Variants in BAP1 observed in about 807,000 individuals in gnomAD.
BAP1 encodes the protein BRCA1 associated deubiquitinase 1.
A neutral mutation model predicts 77.2 loss-of-function variants in BAP1; 16 were observed. The observed-to-expected ratio is 0.21, with a 90% confidence interval of 0.14 to 0.31. The LOEUF (loss-of-function observed/expected upper bound fraction) is 0.31, where lower values mean the gene tolerates loss of function less well. BAP1 is among the 10% of genes least tolerant of loss of function. The pLI is 1.00. For synonymous variants in BAP1, 362 were observed against 385.2 expected (o/e 0.94, Z 0.71); for missense variants, 699 against 967.3 (o/e 0.72, Z 3.68).
intron 10 of BAP1, 198 bp from the exon 11 acceptor site, chr3:52,405,492 G>GAAAAA (rs71084182): frequency 3.4e-3 from 275 of 80,734 alleles, no homozygotes; most frequent in South Asian, 0.012. Flanking sequence ...GAAGCAGGAA[G>GAAAAA]AAAAAAAAAA....
rs755878197 is a variant in BAP1, at chr3:52,408,489, C to T, written c.240G>A (p.Met80Ile). The T allele has an allele frequency of 3.1e-6, 5 of 1,611,870 alleles. No homozygotes were observed. In the South Asian group the frequency reaches 5.5e-5, roughly 18 times the overall value. The change falls in exon 4 of 17, where the codon ATG becomes ATA. Residue 80 changes from methionine to isoleucine, a missense_variant. Coordinates refer to ENST00000460680, the MANE Select transcript of BAP1 (RefSeq NM_004656.4). ...SVIDDDIVNN[M>I]FFAHQLIPNS... is the part of the protein sequence containing the mutation. The stretch of plus-strand genomic sequence containing the variant: ...TCCAGCAGACCTGGTGGGCAAAGAA[C>T]ATGTTATTCACAATATCATCATCAA...
Position 52,402,824 on chromosome 3 carries a change from A to G in BAP1, c.1938T>C (p.Tyr646=). The G allele has an allele frequency of 6.2e-7, 1 of 1,614,226 alleles. No individual in the cohort carries two copies. The highest frequency in any genetic ancestry group is 1.7e-5 in the Admixed American group (1 of 60,034). The change falls in exon 15 of 17, where the codon TAT becomes TAC. Residue 646 remains tyrosine, a synonymous_variant. Coordinates refer to ENST00000460680, the MANE Select transcript of BAP1 (RefSeq NM_004656.4). This position sits in a 1 kb window ranked among gnomAD's most constrained non-coding sequence, Gnocchi z 5.3. ...LKCVEAEIAN[Y]EACLKEEVEK... is the part of the protein sequence containing the mutation. The stretch of plus-strand genomic sequence containing the variant: ...CTACCTCCTCCTTGAGGCACGCCTC[A>G]TAGTTTGCAATCTCAGCCTCCACAC...
Position 52,408,509 on chromosome 3 carries a change from C to A in BAP1, c.220G>T (p.Asp74Tyr), listed in dbSNP as rs2153228301. The A allele has an allele frequency of 6.2e-7, 1 of 1,612,256 alleles. No homozygotes were observed. Among genetic ancestry groups the A allele is most frequent in the African/African-American group, 1.3e-5 (1 of 75,040 alleles). ...AAGAACATGTTATTCACAATATCAT[C>A]ATCAATCACGGACGTATCATCCACC... Reference protein sequence around the residue: ...TLVDDTSVIDDDIVNNMFFAH... With the variant: ...TLVDDTSVIDYDIVNNMFFAH... Residue 74 changes from aspartate (D) to tyrosine (Y), a missense_variant, in exon 4 of 17, where the codon GAT becomes TAT. Asp to Tyr is a radical substitution (Grantham distance 160). This residue lies in a region of BAP1 where 160 missense variants were observed against 322.8 expected (regional missense o/e 0.50). Coordinates refer to ENST00000460680, the MANE Select transcript of BAP1 (RefSeq NM_004656.4).
At chr3:52,409,670 T>C in intron 2 of BAP1, 44 bp downstream of exon 2, 1 of 1,613,564 alleles carries the variant, frequency 6.2e-7, no homozygotes, top group Non-Finnish European at 8.5e-7. Context: ...GGCGCAGGGG[T>C]GGGCCGCCAC....
chr3:52,401,282 C>A lies in BAP1; in HGVS notation c.*1006G>T, dbSNP rs993744897. 4.3e-6 allele frequency: 1 copy of A among 233,368 alleles called. No individual in the cohort carries two copies. The highest frequency in any genetic ancestry group is 5.6e-5 in the Admixed American group (1 of 17,796). The allele number at this position is 233,368 out of a possible 1,614,324, so 14.5% of individuals were successfully genotyped here. Reference sequence around the variant, plus strand: ...GTCCTCTGGAACACAGGGGCTCCAACGGGTTGTCTTGATCCTGCTGTCCCC... The same window carrying A: ...GTCCTCTGGAACACAGGGGCTCCAAAGGGTTGTCTTGATCCTGCTGTCCCC... On this transcript the variant is annotated 3_prime_UTR_variant, in exon 17 of 17. Coordinates refer to ENST00000460680, the MANE Select transcript of BAP1 (RefSeq NM_004656.4).
rs1553644518 is a variant in BAP1 at position 52,402,311 on chromosome 3, G to A, written c.2167C>T (p.Pro723Ser). Residue 723 changes from proline (P) to serine (S), a missense_variant, in exon 17 of 17, where the codon CCC becomes TCC. Pro to Ser is a moderately conservative substitution (Grantham distance 74). Coordinates refer to ENST00000460680, the MANE Select transcript of BAP1 (RefSeq NM_004656.4). This position sits in a 1 kb window ranked among gnomAD's most constrained non-coding sequence, Gnocchi z 5.3. ...RKPDRRKRSR[P>S]YKAKRQ The stretch of plus-strand genomic sequence containing the variant: ...CCTCACTGGCGCTTGGCCTTGTAGG[G>A]GCGAGAGCGTTTCCGCCGGTCAGGC... The A allele has an allele frequency of 6.3e-7, 1 of 1,598,830 alleles. No homozygotes were observed. The highest frequency in any genetic ancestry group is 8.5e-7 in the Non-Finnish European group (1 of 1,174,254).
At chr3:52,409,420 G>C in intron 3 of BAP1, 134 bp downstream of exon 3, 1 of 1,231,698 alleles carries the variant, frequency 8.1e-7, no homozygotes, top group South Asian at 1.2e-5. Flanking sequence ...GGCACTCAGA[G>C]AGCAAGGCTG....
rs2153226569 is a variant in BAP1 at position 52,403,419 on chromosome 3, T to G, written c.1726A>C (p.Thr576Pro). 1 of 1,613,666 alleles carries G rather than the reference T, an allele frequency of 6.2e-7. No individual in the cohort carries two copies. Among genetic ancestry groups the G allele is most frequent in the African/African-American group, 1.3e-5 (1 of 75,034 alleles). ...EDGVLSPLALTEGGKGSSPSI... is the reference protein window; with the variant it reads ...EDGVLSPLALPEGGKGSSPSI... ...AGTGAGCCAGTCCAAGGCCCACCTG[T>G]CAGCGCCAGGGGACTCAGCACCCCA... The change falls in exon 13 of 17, where the codon ACA becomes CCA. Residue 576 changes from threonine (T) to proline (P), a missense_variant. Coordinates refer to ENST00000460680, the MANE Select transcript of BAP1 (RefSeq NM_004656.4). This position sits in a 1 kb window ranked among gnomAD's most constrained non-coding sequence, Gnocchi z 4.0.
chr3:52,404,997 G>C (rs1239547174), intron 11 of BAP1, 113 bp downstream of exon 11: 1 of 1,448,126 alleles, frequency 6.9e-7, no homozygotes, highest in African/African-American at 1.4e-5. Flanking sequence ...GGCCCAGGCA[G>C]CTTGACCCAG....
rs772070350 is a variant in BAP1 at position 52,405,231 on chromosome 3, G to C, written c.995C>G (p.Pro332Arg). Residue 332 changes from proline (P) to arginine (R), a missense_variant, in exon 11 of 17, where the codon CCC becomes CGC. Transcript: ENST00000460680. ...GCCTGGAGGCTTCACCACTAGCTTG[G>C]GTTTGTTGGGAGGGCTGTGGGATGG... ...QAPSHSPPNK[P>R]KLVVKPPGSS... The C allele has an allele frequency of 6.2e-7, 1 of 1,614,112 alleles. No homozygotes were observed. Among genetic ancestry groups the C allele is most frequent in the Non-Finnish European group, 8.5e-7 (1 of 1,180,020 alleles).
intron 3 of BAP1, among the ~76,000 whole-genome samples, chr3:52,409,267 T>C (rs766778059): frequency 1.3e-5 from 2 of 152,128 alleles, no homozygotes; most frequent in Non-Finnish European, 1.5e-5. Context: ...ACAAAAGACA[T>C]TGTGTGACCG....
At chr3:52,404,091 C>T (rs995754221) in intron 12 of BAP1, among the ~76,000 whole-genome samples, 197 bp from the exon 13 acceptor site, 1 of 152,214 alleles carries the variant, frequency 6.6e-6, no homozygotes, top group Non-Finnish European at 1.5e-5. Flanking sequence ...CCTCAAAAGA[C>T]ACTTCCTCTA....
At chr3:52,408,364 C>A (rs1705231745) in intron 4 of BAP1, 110 bp downstream of exon 4, 1 of 1,496,610 alleles carries the variant, frequency 6.7e-7, no homozygotes, top group African/African-American at 1.4e-5. Flanking sequence ...TCTGTAGCTA[C>A]CACCCCTAGA....
rs181474578 is a variant in BAP1, at chr3:52,405,039, T to C, written c.1116+71A>G. On this transcript the variant is annotated intron_variant, in intron 11 of 16. Transcript: ENST00000460680. ...CAAGGATGAACACCAAGGAACCACA[T>C]GGGAAAATTGCCTGTTGCAGCCTCT... 711 of 1,592,830 alleles carry C rather than the reference T, an allele frequency of 4.5e-4. 3 individuals carry two copies. In the African/African-American group the frequency reaches 8.6e-3, roughly 19 times the overall value.
At chr3:52,405,027 C>A in intron 11 of BAP1, 83 bp downstream of exon 11, 1 of 1,581,418 alleles carries the variant, frequency 6.3e-7, no homozygotes. Context: ...GGATGAACAC[C>A]AAGGAACCAC....
In BAP1 at chr3:52,404,538, G is replaced by C. The variant is rs373809972; in HGVS notation, c.1165C>G (p.Arg389Gly). Residue 389 changes from arginine to glycine, a missense_variant, in exon 12 of 17, where the codon CGC (arginine) becomes GGC (glycine). Physicochemically the swap from Arg to Gly is moderately radical, Grantham distance 125 (BLOSUM62 -2). Coordinates refer to ENST00000460680, the MANE Select transcript of BAP1 (RefSeq NM_004656.4). ...AGVGRSRVPV[R>G]PPQQYSDDED... The stretch of plus-strand genomic sequence containing the variant: ...TCATCTGAGTACTGCTGGGGTGGGC[G>C]GACTGGAACTCGGCTGCGGCCCACA... 1 of 1,614,020 alleles carries C rather than the reference G, an allele frequency of 6.2e-7. No homozygotes were observed. Among genetic ancestry groups the C allele is most frequent in the South Asian group, 1.1e-5 (1 of 91,052 alleles).
intron 11 of BAP1, 38 bp downstream of exon 11, chr3:52,405,072 A>C: frequency 6.2e-7 from 1 of 1,612,212 alleles, no homozygotes; most frequent in Non-Finnish European, 8.5e-7. Context: ...TCTCAAGAGA[A>C]TCAAGTAGAG....
At position 52,401,933 on chromosome 3, in the gene BAP1, G is replaced by A. The variant is rs1166693051; in HGVS notation, c.*355C>T. On this transcript the variant is annotated 3_prime_UTR_variant, in exon 17 of 17. Transcript: ENST00000460680. Reference sequence around the variant, plus strand: ...AGGTAGGAACTTATGTCAACATGGTGGCATGTTGGGTTGGAGCCCAGAAAA... The same window carrying A: ...AGGTAGGAACTTATGTCAACATGGTAGCATGTTGGGTTGGAGCCCAGAAAA... 1 of 428,014 alleles carries A rather than the reference G, an allele frequency of 2.3e-6. No individual in the cohort carries two copies. Among genetic ancestry groups the A allele is most frequent in the African/African-American group, 2.0e-5 (1 of 51,146 alleles). 26.5% of individuals were successfully genotyped at this position (428,014 alleles called of 1,614,324 possible).
In BAP1 at chr3:52,405,182, G is replaced by A. The variant is rs1705108481; in HGVS notation, c.1044C>T (p.Pro348=). ...PPGSSLNGVH[P]NPTPIVQRLP... Reference sequence around the variant, plus strand: ...GCCGCTGGACAATGGGAGTGGGGTTGGGGTGAACCCCATTGAGGCTGCTGC... The same window carrying A: ...GCCGCTGGACAATGGGAGTGGGGTTAGGGTGAACCCCATTGAGGCTGCTGC... Residue 348 remains proline, a synonymous_variant, in exon 11 of 17, where the codon CCC becomes CCT. Transcript: ENST00000460680. 1 of 1,614,126 alleles carries A rather than the reference G, an allele frequency of 6.2e-7. No homozygotes were observed. Among genetic ancestry groups the A allele is most frequent in the Non-Finnish European group, 8.5e-7 (1 of 1,180,040 alleles).
Sources: allele counts gnomAD v4.1 joint callset (sites outside exome capture counted in the v4.1 genomes callset), GRCh38; gene constraint gnomAD v4.1.1; regional missense constraint gnomAD v4.1.1; non-coding constraint Gnocchi (gnomAD v3.1); transcripts MANE v1.5; gene names NCBI Gene and HGNC (gene_info 2026-07-23, HGNC 2026-07-21).